The following TENM3 variants were observed in gnomAD, a reference collection of about 807,000 sequenced individuals.
TENM3 encodes the protein teneurin transmembrane protein 3, also known as teneurin-3.
A neutral mutation model predicts 255.1 loss-of-function variants in TENM3; 63 were observed. The ratio of observed to expected loss-of-function variants is 0.25; its 90% CI spans 0.20 to 0.30. The LOEUF is 0.30. TENM3 is among the 10% of genes least tolerant of loss of function. The probability of loss-of-function intolerance (pLI) is 1.00; values close to 1 mark genes in which losing one functional copy is unlikely to be tolerated. For missense variants in TENM3, 2,929 were observed against 3,461.1 expected (o/e 0.85, Z 3.86); for synonymous variants, 1,306 against 1,322.3 (o/e 0.99, Z 0.27).
the TENM3 span, among the ~76,000 whole-genome samples, chr4:182,129,205 C>T: frequency 3.9e-5 from 6 of 152,172 alleles, no homozygotes; most frequent in African/African-American, 1.2e-4. Context: ...AAACAGCAGT[C>T]AGCAGTAGAT....
chr4:182,117,484 G>T, the TENM3 span, among the ~76,000 whole-genome samples: 1 of 152,154 alleles, frequency 6.6e-6, no homozygotes, highest in Admixed American at 6.5e-5. Flanking sequence ...TGTGAACATT[G>T]TGAGGTGTGT....
the TENM3 span, among the ~76,000 whole-genome samples, chr4:181,654,493 C>G: frequency 6.6e-6 from 1 of 152,086 alleles, no homozygotes; most frequent in African/African-American, 2.4e-5. Flanking sequence ...TGGTCCTTCG[C>G]CTATAATCCC....
At chr4:182,370,405 G>A (rs1041530542) in intron 3 of TENM3, among the ~76,000 whole-genome samples, 4 of 152,114 alleles carry the variant, frequency 2.6e-5, no homozygotes, top group Non-Finnish European at 2.9e-5. Context: ...TGGTATTCAG[G>A]AAGAAATTTT....
intron 13 of TENM3, among the ~76,000 whole-genome samples, chr4:182,715,553 A>C (rs2152681677): frequency 6.6e-6 from 1 of 152,364 alleles, no homozygotes; most frequent in East Asian, 1.9e-4. Flanking sequence ...GCCTGCTCTA[A>C]GTAGCAGCTA....
At chr4:181,708,012 T>C in the TENM3 span, among the ~76,000 whole-genome samples, 110 of 152,352 alleles carry the variant, frequency 7.2e-4, no homozygotes, top group Admixed American at 3.9e-3. Context: ...ATTGTTTCTA[T>C]TGATGCCTTC....
At chr4:182,020,365 CA>C in the TENM3 span, among the ~76,000 whole-genome samples, 4 of 148,924 alleles carry the variant, frequency 2.7e-5, no homozygotes, top group East Asian at 2.0e-4. Flanking sequence ...GACTCTGTCT[CA>C]AAAAAAAATT....
At chr4:182,387,751 G>GA (rs1482059313) in intron 3 of TENM3, among the ~76,000 whole-genome samples, 4 of 151,424 alleles carry the variant, frequency 2.6e-5, no homozygotes, top group African/African-American at 9.7e-5. Context: ...GCGAGACCAC[G>GA]AACCCACCAG....
At chr4:181,465,611 C>T in the TENM3 span, among the ~76,000 whole-genome samples, 1 of 152,100 alleles carries the variant, frequency 6.6e-6, no homozygotes, top group Non-Finnish European at 1.5e-5. Flanking sequence ...TTCTAGAGCC[C>T]ATAGAACTTT....
intron 18 of TENM3, among the ~76,000 whole-genome samples, chr4:182,739,104 T>A (rs922263023): frequency 6.6e-6 from 1 of 151,868 alleles, no homozygotes; most frequent in Non-Finnish European, 1.5e-5. Flanking sequence ...TCAAATGGGG[T>A]CACATATATT....
the TENM3 span, among the ~76,000 whole-genome samples, chr4:181,500,826 G>T: frequency 3.3e-5 from 5 of 152,116 alleles, no homozygotes; most frequent in Non-Finnish European, 7.4e-5. Context: ...AAACTGCTTG[G>T]TGTTTCTTTT....
the TENM3 span, among the ~76,000 whole-genome samples, chr4:181,516,466 C>G: frequency 6.6e-6 from 1 of 151,510 alleles, no homozygotes; most frequent in Admixed American, 6.6e-5. Context: ...GAGCTAGATA[C>G]TTAGTCCCAG....
At chr4:181,870,169 A>AT in the TENM3 span, among the ~76,000 whole-genome samples, 3 of 152,092 alleles carry the variant, frequency 2.0e-5, no homozygotes, top group Non-Finnish European at 4.4e-5. Flanking sequence ...TCATACATTT[A>AT]TTTTTTACTC....
chr4:182,606,100 A>G (rs1258413845), intron 4 of TENM3, among the ~76,000 whole-genome samples: 1 of 152,204 alleles, frequency 6.6e-6, no homozygotes, highest in Non-Finnish European at 1.5e-5. Context: ...TTAAACTTTT[A>G]TTGACCCCCT....
At chr4:182,220,816 A>G (rs1198486501) in intron 1 of TENM3, among the ~76,000 whole-genome samples, 1 of 152,166 alleles carries the variant, frequency 6.6e-6, no homozygotes, top group African/African-American at 2.4e-5. Context: ...AATAACTGGT[A>G]ATTAATCCTG....
At chr4:181,652,142 T>TAAAA in the TENM3 span, among the ~76,000 whole-genome samples, 1,365 of 114,608 alleles carry the variant, frequency 0.012, 21 homozygotes, top group African/African-American at 0.035. Flanking sequence ...CACTTTGGGG[T>TAAAA]AAAAAAAAAA....
intron 3 of TENM3, among the ~76,000 whole-genome samples, chr4:182,485,194 T>G (rs1580711381): frequency 6.6e-6 from 1 of 152,264 alleles, no homozygotes; most frequent in East Asian, 1.9e-4. Flanking sequence ...GTTTGTATTT[T>G]TAGGAGTGAC....
intron 3 of TENM3, among the ~76,000 whole-genome samples, chr4:182,560,228 A>C (rs538640425): frequency 2.0e-4 from 30 of 152,140 alleles, no homozygotes; most frequent in Middle Eastern, 3.4e-3. Context: ...GCAAACACAC[A>C]CCCCCACATA....
In TENM3 at chr4:182,161,714, T is replaced by C. The variant is rs1255670156; in HGVS notation, c.-76+16960T>C. 8.8e-3 allele frequency among the ~76,000 whole-genome samples: 24 copies of C among 2,736 alleles called. 4 individuals carry two copies. The highest frequency in any genetic ancestry group is 0.026 in the African/African-American group (24 of 910). 1.8% of individuals were successfully genotyped at this position (2,736 alleles called of 152,430 possible). ...AAATATATATGTATATATATACATATATATGTGTATATATATATACACAAA... is the reference window on the plus strand; with the variant it reads ...AAATATATATGTATATATATACATACATATGTGTATATATATATACACAAA... On this transcript the variant is annotated intron_variant, in intron 1 of 2. Transcript: ENST00000512480.
chr4:181,539,310 A>C, the TENM3 span, among the ~76,000 whole-genome samples: 1 of 152,224 alleles, frequency 6.6e-6, no homozygotes, highest in African/African-American at 2.4e-5. Flanking sequence ...AATTATTACA[A>C]TGTTTAAAAT....
Sources: gnomAD v4.1 joint callset for allele counts (sites outside exome capture counted in the v4.1 genomes callset) on GRCh38, gnomAD v4.1.1 for gene constraint, MANE v1.5 for transcripts, NCBI Gene and HGNC (gene_info 2026-07-23, HGNC 2026-07-21) for gene names.